Variants in CNTNAP2 observed in about 807,000 individuals in gnomAD.
CNTNAP2 encodes contactin associated protein 2, also known as contactin-associated protein-like 2.
CNTNAP2 carries 98 observed loss-of-function variants against 155.2 expected under a neutral mutation model. That is an observed-to-expected ratio of 0.63 (90% CI 0.54 to 0.75). The LOEUF (loss-of-function observed/expected upper bound fraction) is 0.75, where lower values mean the gene tolerates loss of function less well. Ranked by LOEUF, CNTNAP2 falls within the 30% of genes least tolerant of loss-of-function variation. The probability of loss-of-function intolerance (pLI) is 0.00; values close to 1 mark genes in which losing one functional copy is unlikely to be tolerated. For synonymous variants in CNTNAP2, 651 were observed against 631.2 expected (o/e 1.03, Z -0.47); for missense variants, 1,727 against 1,688.1 (o/e 1.02, Z -0.40).
At chr7:146,779,332 T>C (rs1802442535) in intron 2 of CNTNAP2, among the ~76,000 whole-genome samples, 1 of 152,160 alleles carries the variant, frequency 6.6e-6, no homozygotes, top group Non-Finnish European at 1.5e-5. Context: ...ATAATACATA[T>C]AGAAACCCCA....
At chr7:147,329,884 C>A (rs954272039) in intron 9 of CNTNAP2, among the ~76,000 whole-genome samples, 4 of 152,126 alleles carry the variant, frequency 2.6e-5, no homozygotes, top group African/African-American at 9.7e-5. Flanking sequence ...CAACCCTAAG[C>A]CATTACTATG....
At chr7:146,358,269 C>T (rs1429297100) in intron 1 of CNTNAP2, among the ~76,000 whole-genome samples, 7 of 152,080 alleles carry the variant, frequency 4.6e-5, no homozygotes, top group African/African-American at 1.4e-4. Context: ...CTCCTGACCT[C>T]GTGATCCACC....
intron 15 of CNTNAP2, among the ~76,000 whole-genome samples, chr7:148,103,688 G>A (rs1429927819): frequency 2.0e-5 from 3 of 152,120 alleles, no homozygotes; most frequent in South Asian, 2.1e-4. Flanking sequence ...AATCGTTCTC[G>A]CTCTCAGATG....
At chr7:148,052,098 C>G (rs1037693295) in intron 15 of CNTNAP2, among the ~76,000 whole-genome samples, 1 of 146,016 alleles carries the variant, frequency 6.8e-6, no homozygotes, top group Non-Finnish European at 1.5e-5. Flanking sequence ...GAGATCGCAC[C>G]ACTGCACTCC....
intron 1 of CNTNAP2, among the ~76,000 whole-genome samples, chr7:146,295,401 T>C (rs1051063981): frequency 1.3e-5 from 2 of 152,170 alleles, no homozygotes; most frequent in African/African-American, 4.8e-5. Context: ...CCCTTCCAGT[T>C]TTCTAGGCTG....
intron 13 of CNTNAP2, among the ~76,000 whole-genome samples, chr7:147,795,819 G>T (rs548610960): frequency 4.6e-5 from 7 of 152,210 alleles, no homozygotes; most frequent in African/African-American, 1.7e-4. Context: ...AAATGAGAGG[G>T]TTGAATTTGA....
chr7:146,685,381 G>T (rs1800578732), intron 1 of CNTNAP2, among the ~76,000 whole-genome samples: 1 of 152,140 alleles, frequency 6.6e-6, no homozygotes, highest in African/African-American at 2.4e-5. Context: ...TCAGATTACT[G>T]AATAGAACAG....
chr7:146,909,087 C>G (rs1232114639), intron 3 of CNTNAP2, among the ~76,000 whole-genome samples: 1 of 152,076 alleles, frequency 6.6e-6, no homozygotes, highest in Non-Finnish European at 1.5e-5. Flanking sequence ...CATACACTCT[C>G]CCAAGACTAA....
intron 1 of CNTNAP2, among the ~76,000 whole-genome samples, chr7:146,677,324 G>A (rs1000923802): frequency 1.3e-5 from 2 of 152,166 alleles, no homozygotes; most frequent in African/African-American, 4.8e-5. Flanking sequence ...TTTGTGATAA[G>A]GGGTTATAGA....
intron 3 of CNTNAP2, among the ~76,000 whole-genome samples, chr7:146,864,386 T>C (rs1351690154): frequency 6.6e-6 from 1 of 152,116 alleles, no homozygotes; most frequent in Non-Finnish European, 1.5e-5. Flanking sequence ...ATTCATAAAA[T>C]GACAAAGTGT....
At chr7:146,532,120 T>C (rs1377831589) in intron 1 of CNTNAP2, among the ~76,000 whole-genome samples, 3 of 152,108 alleles carry the variant, frequency 2.0e-5, no homozygotes, top group African/African-American at 7.2e-5. Context: ...TTCAAAAAAG[T>C]GAATATTTAC....
At chr7:147,693,970 G>A (rs985680180) in intron 13 of CNTNAP2, among the ~76,000 whole-genome samples, 21 of 152,038 alleles carry the variant, frequency 1.4e-4, no homozygotes, top group Non-Finnish European at 2.4e-4. Flanking sequence ...TACATTAGCC[G>A]TAGATTTTTT....
chr7:147,082,451 G>C (rs1394458972), intron 4 of CNTNAP2: 1 of 152,118 alleles, frequency 6.6e-6, no homozygotes, highest in Non-Finnish European at 1.5e-5. Flanking sequence ...CCAACACTTA[G>C]ATGCAAAGGA....
At chr7:148,257,950 C>A (rs1280064925) in intron 20 of CNTNAP2, among the ~76,000 whole-genome samples, 8 of 138,858 alleles carry the variant, frequency 5.8e-5, no homozygotes, top group Non-Finnish European at 7.9e-5. Context: ...CACACACAGA[C>A]AGATTTACAT....
At chr7:146,985,947 T>A (rs1254879746) in intron 3 of CNTNAP2, among the ~76,000 whole-genome samples, 2 of 151,934 alleles carry the variant, frequency 1.3e-5, no homozygotes, top group Admixed American at 6.5e-5. Context: ...AAAAAGGATT[T>A]TTTTAAGAAA....
At chr7:147,977,228 A>G (rs1194749137) in intron 14 of CNTNAP2, among the ~76,000 whole-genome samples, 1 of 152,200 alleles carries the variant, frequency 6.6e-6, no homozygotes, top group Non-Finnish European at 1.5e-5. Context: ...CTGAAACAAG[A>G]TAAATATAGA....
intron 13 of CNTNAP2, among the ~76,000 whole-genome samples, chr7:147,827,823 A>C (rs990420279): frequency 1.3e-5 from 2 of 152,196 alleles, no homozygotes; most frequent in Non-Finnish European, 2.9e-5. Context: ...CAAGTAATGC[A>C]ATGACTTCTT....
intron 1 of CNTNAP2, among the ~76,000 whole-genome samples, chr7:146,571,583 A>T: frequency 6.6e-6 from 1 of 152,110 alleles, no homozygotes. Context: ...CAGCCTCTCC[A>T]TCCCATGCAA....
chr7:147,880,636 T>C (rs914506378), intron 13 of CNTNAP2, among the ~76,000 whole-genome samples: 1 of 150,450 alleles, frequency 6.6e-6, no homozygotes, highest in African/African-American at 2.4e-5. Flanking sequence ...CTAACAGAAA[T>C]AGCAACCAGA....
Sources: allele counts gnomAD v4.1 joint callset (sites outside exome capture counted in the v4.1 genomes callset), GRCh38; gene constraint gnomAD v4.1.1; transcripts MANE v1.5; gene names NCBI Gene and HGNC (gene_info 2026-07-23, HGNC 2026-07-21).